The following CNMD variants were observed in gnomAD, a reference collection of about 807,000 sequenced individuals.
The protein encoded by CNMD is leukocyte cell-derived chemotaxin 1.
CNMD carries 30 observed loss-of-function variants against 37.5 expected under a neutral mutation model. The ratio of observed to expected loss-of-function variants is 0.80; its 90% CI spans 0.60 to 1.09. The LOEUF (loss-of-function observed/expected upper bound fraction) is 1.09, where lower values mean the gene tolerates loss of function less well. CNMD is among the 50% of genes least tolerant of loss of function. CNMD has a pLI of 0.00. For missense variants in CNMD, 398 were observed against 423.9 expected (o/e 0.94, Z 0.54); for synonymous variants, 167 against 148.2 (o/e 1.13, Z -0.92).
At chr13:52,719,724 G>A (rs1163994014) in intron 4 of CNMD, among the ~76,000 whole-genome samples, 2 of 152,114 alleles carry the variant, frequency 1.3e-5, no homozygotes, top group African/African-American at 2.4e-5. Context: ...TCCCTTTGTG[G>A]GTAACCCGAA....
rs754271486 is a variant in CNMD, at chr13:52,739,726, C to T, written c.-25G>A. On this transcript the variant is annotated 5_prime_UTR_variant, in exon 1 of 7. It adds an upstream start codon to the 5' untranslated region. Coordinates refer to ENST00000377962, the MANE Select transcript of CNMD (RefSeq NM_007015.3). This position sits in a 1 kb window ranked among gnomAD's most constrained non-coding sequence, Gnocchi z 5.4. ...TGTTTGCGGCGGGAGGAGTGAGGCA[C>T]TTGGAGACTCCCTGGGCACCCTGGG... The T allele has an allele frequency of 1.2e-6, 2 of 1,605,326 alleles. No individual in the cohort carries two copies. The highest frequency in any genetic ancestry group is 1.1e-5 in the South Asian group (1 of 90,812).
At chr13:52,724,507 G>A (rs1194001314) in intron 3 of CNMD, among the ~76,000 whole-genome samples, 1 of 151,004 alleles carries the variant, frequency 6.6e-6, no homozygotes, top group East Asian at 1.9e-4. Flanking sequence ...AGGAGAATAG[G>A]GTGAACCGGG....
In CNMD at chr13:52,739,305, C is replaced by T. The variant is rs1964842310; in HGVS notation, c.73-134G>A. On this transcript the variant is annotated intron_variant, in intron 1 of 6. Transcript: ENST00000377962. The surrounding 1 kb of genome is among the most constrained non-coding windows in gnomAD (Gnocchi z 5.4). ...GGGAAACAGCTCGCCCGGGCTCCTA[C>T]GGGTGCCCCTTTCGCCGCGCTCCCT... The T allele has an allele frequency of 2.7e-6, 3 of 1,105,558 alleles. No homozygotes were observed. The highest frequency in any genetic ancestry group is 3.7e-6 in the Non-Finnish European group (3 of 812,966). 68.5% of individuals were successfully genotyped at this position (1,105,558 alleles called of 1,614,324 possible).
At position 52,739,298 on chromosome 13, in the gene CNMD, G is replaced by T; in HGVS notation, c.73-127C>A. On this transcript the variant is annotated intron_variant, in intron 1 of 6. Transcript: ENST00000377962. This position sits in a 1 kb window ranked among gnomAD's most constrained non-coding sequence, Gnocchi z 5.4. Reference sequence around the variant, plus strand: ...GTCGGGCGGGAAACAGCTCGCCCGGGCTCCTACGGGTGCCCCTTTCGCCGC... The same window carrying T: ...GTCGGGCGGGAAACAGCTCGCCCGGTCTCCTACGGGTGCCCCTTTCGCCGC... The T allele has an allele frequency of 4.3e-6, 5 of 1,155,490 alleles. No individual in the cohort carries two copies. The highest frequency in any genetic ancestry group is 5.8e-6 in the Non-Finnish European group (5 of 859,290). The allele number at this position is 1,155,490 out of a possible 1,614,324, so 71.6% of individuals were successfully genotyped here.
chr13:52,714,559 G>A (rs1237747778), intron 4 of CNMD, among the ~76,000 whole-genome samples: 1 of 151,994 alleles, frequency 6.6e-6, no homozygotes, highest in African/African-American at 2.4e-5. Context: ...ATTTACCATG[G>A]TAAATAATGG....
intron 4 of CNMD, among the ~76,000 whole-genome samples, chr13:52,714,683 T>C (rs778311472): frequency 5.9e-5 from 9 of 152,290 alleles, no homozygotes; most frequent in Non-Finnish European, 1.3e-4. Context: ...AAAGCATATG[T>C]CCATTATAAT....
rs768592016 is a variant in CNMD, at chr13:52,708,581, A to T, written c.744T>A (p.Ser248Arg). The change falls in exon 6 of 7, where the codon AGT becomes AGA. Residue 248 changes from serine to arginine, a missense_variant. By Grantham distance (110) the Ser-to-Arg change is moderately radical. Transcript: ENST00000377962. ...TGAAGGCTTGTGAGTCCTCTTGAAC[A>T]CTGGGTCTGGTTTCATTATTCAGTC... ...AGRLNNETRPSVQEDSQAFNP... is the reference protein window; with the variant it reads ...AGRLNNETRPRVQEDSQAFNP... 2 of 1,614,026 alleles carry T rather than the reference A, an allele frequency of 1.2e-6. No homozygotes were observed. Among genetic ancestry groups the T allele is most frequent in the Non-Finnish European group, 1.7e-6 (2 of 1,179,952 alleles).
chr13:52,726,105 C>G (rs1964568126), intron 3 of CNMD, among the ~76,000 whole-genome samples: 1 of 152,190 alleles, frequency 6.6e-6, no homozygotes, highest in Non-Finnish European at 1.5e-5. Context: ...AAGAGGAGCT[C>G]CGAGGCTCAC....
intron 3 of CNMD, 66 bp downstream of exon 3, chr13:52,733,153 C>G (rs755262454): frequency 6.4e-7 from 1 of 1,551,100 alleles, no homozygotes; most frequent in South Asian, 1.1e-5. Flanking sequence ...CGCTGCTCCT[C>G]CTTGAATTAG....
rs374124583 is a variant in CNMD at position 52,712,884 on chromosome 13, G to T, written c.469-15C>A. The T allele has an allele frequency of 1.2e-5, 18 of 1,535,078 alleles. No homozygotes were observed. Among genetic ancestry groups the T allele is most frequent in the Non-Finnish European group, 1.3e-5 (15 of 1,143,148 alleles). Reference sequence around the variant, plus strand: ...ATCTTGCCTTCCTGAAAGTAAAAACGATTGCATTTGAGCAAAGAGGACAGT... The same window carrying T: ...ATCTTGCCTTCCTGAAAGTAAAAACTATTGCATTTGAGCAAAGAGGACAGT... On this transcript the variant is annotated splice_polypyrimidine_tract_variant and intron_variant, in intron 4 of 6. Transcript: ENST00000377962.
intron 4 of CNMD, among the ~76,000 whole-genome samples, chr13:52,715,249 T>A (rs1159976526): frequency 6.6e-6 from 1 of 152,148 alleles, no homozygotes; most frequent in Non-Finnish European, 1.5e-5. Flanking sequence ...TTTTTTATTC[T>A]TTATAACTAA....
chr13:52,711,168 G>A (rs867776323), intron 5 of CNMD, among the ~76,000 whole-genome samples: 1 of 152,112 alleles, frequency 6.6e-6, no homozygotes, highest in Non-Finnish European at 1.5e-5. Context: ...CCTCATGAAC[G>A]TCTGTCAAAT....
rs1454157300 is a variant in CNMD, at chr13:52,703,376, G to C, written c.*219C>G. 1 of 463,546 alleles carries C rather than the reference G, an allele frequency of 2.2e-6. No homozygotes were observed. The highest frequency in any genetic ancestry group is 3.9e-6 in the Non-Finnish European group (1 of 259,634). The allele number at this position is 463,546 out of a possible 1,614,324, so 28.7% of individuals were successfully genotyped here. On this transcript the variant is annotated 3_prime_UTR_variant, in exon 7 of 7. Transcript: ENST00000377962. ...ATAAAAAATAACAAATAATAAAGGG[G>C]TTATGGCATTTTAGACTTGAACTAC...
intron 6 of CNMD, 92 bp from the exon 7 acceptor site, chr13:52,703,902 C>T: frequency 9.2e-7 from 1 of 1,092,092 alleles, no homozygotes; most frequent in Non-Finnish European, 1.3e-6. Flanking sequence ...GAATTTTTCA[C>T]TGCTACAGGA....
In CNMD at chr13:52,739,557, CCT is replaced by C; in HGVS notation, c.72+71_72+72del. ...ACACACCCATTCGGTGGCACGCACC[CCT>C]GAGTCCGAACTGTGGAACCTGATAC... On this transcript the variant is annotated intron_variant, in intron 1 of 6. Transcript: ENST00000377962. This position sits in a 1 kb window ranked among gnomAD's most constrained non-coding sequence, Gnocchi z 5.4. 3 of 1,369,230 alleles carry C rather than the reference CCT, an allele frequency of 2.2e-6. No homozygotes were observed. The highest frequency in any genetic ancestry group is 3.1e-6 in the Non-Finnish European group (3 of 959,592). 84.8% of individuals were successfully genotyped at this position (1,369,230 alleles called of 1,614,324 possible). A position where few individuals can be genotyped will look rare whatever the true frequency, so the allele number is the denominator to read the frequency against.
chr13:52,716,997 A>C (rs1964399179), intron 4 of CNMD, among the ~76,000 whole-genome samples: 1 of 152,152 alleles, frequency 6.6e-6, no homozygotes, highest in African/African-American at 2.4e-5. Context: ...ATGTTTTTCC[A>C]TGCGTTTGTG....
chr13:52,730,110 A>G (rs1342714829), intron 3 of CNMD, among the ~76,000 whole-genome samples: 1 of 151,884 alleles, frequency 6.6e-6, no homozygotes, highest in African/African-American at 2.4e-5. Context: ...GCTGAGAATG[A>G]TGGTTTCCAG....
intron 6 of CNMD, among the ~76,000 whole-genome samples, chr13:52,706,878 A>C (rs1333002306): frequency 6.6e-6 from 1 of 151,874 alleles, no homozygotes; most frequent in Non-Finnish European, 1.5e-5. Context: ...TTTTTAAAAA[A>C]TTTCTGCATG....
intron 6 of CNMD, among the ~76,000 whole-genome samples, chr13:52,707,982 G>A (rs1042611964): frequency 6.6e-6 from 1 of 151,864 alleles, no homozygotes; most frequent in Admixed American, 6.6e-5. Flanking sequence ...GGGCATGGTG[G>A]TGGGCACCTG....
Sources: gnomAD v4.1 joint callset for allele counts (sites outside exome capture counted in the v4.1 genomes callset) on GRCh38, gnomAD v4.1.1 for gene constraint, Gnocchi (gnomAD v3.1) non-coding constraint, MANE v1.5 for transcripts, NCBI Gene and HGNC (gene_info 2026-07-23, HGNC 2026-07-21) for gene names.